Variants in SIK3 observed in about 807,000 individuals in gnomAD.
SIK3 encodes the protein serine/threonine-protein kinase SIK3.
Under a neutral mutation model 144.2 loss-of-function variants are expected in SIK3, and 28 were observed. The observed-to-expected ratio is 0.19, with a 90% confidence interval of 0.14 to 0.27. The LOEUF (loss-of-function observed/expected upper bound fraction) is 0.27, where lower values mean the gene tolerates loss of function less well. SIK3 is among the 10% of genes least tolerant of loss of function. The probability of loss-of-function intolerance (pLI) is 1.00; values close to 1 mark genes in which losing one functional copy is unlikely to be tolerated. For synonymous variants in SIK3, 686 were observed against 676.3 expected, an observed-to-expected ratio of 1.01 and a Z score of -0.22; for missense variants, 1,319 against 1,776.0, an observed-to-expected ratio of 0.74 and a Z score of 4.62.
chr11:116,917,924 C>G (rs373290688), intron 4 of SIK3, among the ~76,000 whole-genome samples: 1 of 150,650 alleles, frequency 6.6e-6, no homozygotes, highest in Non-Finnish European at 1.5e-5. Context: ...TTAAACCATA[C>G]GTTGCTTGAG....
At chr11:116,908,671 T>C (rs903915233) in intron 4 of SIK3, among the ~76,000 whole-genome samples, 3 of 151,872 alleles carry the variant, frequency 2.0e-5, no homozygotes, top group African/African-American at 4.8e-5. Flanking sequence ...AAAAAGAAGC[T>C]CAATCTCATT....
intron 3 of SIK3, among the ~76,000 whole-genome samples, chr11:116,930,638 T>G (rs1728351230): frequency 6.6e-6 from 1 of 152,160 alleles, no homozygotes. Context: ...TGCAAGGAAC[T>G]CCAGAGTTGT....
chr11:117,062,472 C>A (rs1011036870), intron 1 of SIK3, among the ~76,000 whole-genome samples: 2 of 152,090 alleles, frequency 1.3e-5, no homozygotes, highest in Admixed American at 1.3e-4. Flanking sequence ...ACCATCTAAG[C>A]CAGGCAAGAA....
intron 15 of SIK3, chr11:116,864,092 A>G (rs1020933063): frequency 1.0e-5 from 3 of 291,008 alleles, no homozygotes; most frequent in African/African-American, 6.6e-5. Flanking sequence ...TCCAGTTCTT[A>G]TAAATACACT....
At chr11:116,871,327 G>A (rs1028333890) in intron 13 of SIK3, among the ~76,000 whole-genome samples, 28 of 152,170 alleles carry the variant, frequency 1.8e-4, no homozygotes, top group Non-Finnish European at 1.0e-4. Flanking sequence ...GAATAATTTT[G>A]TCGGAAAGCT....
At chr11:116,973,532 T>C (rs1395376909) in intron 1 of SIK3, among the ~76,000 whole-genome samples, 3 of 152,222 alleles carry the variant, frequency 2.0e-5, no homozygotes, top group Non-Finnish European at 2.9e-5. Flanking sequence ...AGTTACTTTT[T>C]TCAATTGCAC....
chr11:117,096,147 T>C (rs781295312), intron 1 of SIK3, among the ~76,000 whole-genome samples: 2 of 152,210 alleles, frequency 1.3e-5, no homozygotes, highest in South Asian at 4.1e-4. Context: ...CTACTGAAGA[T>C]AGAAATGTCT....
chr11:116,888,747 T>C (rs1487333273), intron 6 of SIK3, among the ~76,000 whole-genome samples: 1 of 152,234 alleles, frequency 6.6e-6, no homozygotes, highest in Non-Finnish European at 1.5e-5. Context: ...ATTATTTAAC[T>C]GGGATTAAAG....
intron 1 of SIK3, among the ~76,000 whole-genome samples, chr11:117,030,830 C>A (rs1320875362): frequency 6.6e-6 from 1 of 151,988 alleles, no homozygotes; most frequent in African/African-American, 2.4e-5. Context: ...GCCAGTGCAC[C>A]CAGGCTTTTT....
At chr11:116,886,138 G>A (rs2134659156) in intron 6 of SIK3, among the ~76,000 whole-genome samples, 1 of 152,310 alleles carries the variant, frequency 6.6e-6, no homozygotes, top group East Asian at 1.9e-4. Context: ...AGTTATGTTA[G>A]GTCATGGGAA....
At chr11:117,013,928 G>GTGTA (rs1951396780) in intron 1 of SIK3, among the ~76,000 whole-genome samples, 1 of 99,504 alleles carries the variant, frequency 1.0e-5, no homozygotes, top group African/African-American at 3.2e-5. Context: ...GTGTGTGTGT[G>GTGTA]TGTGTGTGTG....
chr11:116,861,270 T>TC lies in SIK3; in HGVS notation c.2425+3dup. The TC allele has an allele frequency of 6.3e-7, 1 of 1,583,644 alleles. No individual in the cohort carries two copies. The highest frequency in any genetic ancestry group is 8.6e-7 in the Non-Finnish European group (1 of 1,164,922). ...AACTGTTTGGTCTGAACCTCTCCACTCACCGTGAGGCTGGATCATGGCACT... is the reference window on the plus strand; with the variant it reads ...AACTGTTTGGTCTGAACCTCTCCACTCCACCGTGAGGCTGGATCATGGCACT... On this transcript the variant is annotated splice_donor_region_variant and intron_variant, in intron 19 of 24. Coordinates refer to ENST00000445177, the MANE Select transcript of SIK3 (RefSeq NM_001366686.3).
At chr11:116,964,005 A>G (rs987425007) in intron 1 of SIK3, among the ~76,000 whole-genome samples, 4 of 152,144 alleles carry the variant, frequency 2.6e-5, no homozygotes, top group African/African-American at 9.7e-5. Flanking sequence ...GTCAGGATGT[A>G]GGCTGGCCAC....
chr11:116,998,930 T>C lies in SIK3; in HGVS notation c.274-41866A>G, dbSNP rs76795189. 3.3e-3 allele frequency among the ~76,000 whole-genome samples: 497 copies of C among 152,324 alleles called. 4 individuals are homozygous for C. Among genetic ancestry groups the C allele is most frequent in the African/African-American group, 0.011 (478 of 41,572 alleles). ...AAAAAGCTTAATCAAACTAAAAGTG[T>C]ATAGTTAGACAATTATTTTTACTAA... On this transcript the variant is annotated intron_variant, in intron 1 of 24. Transcript: ENST00000445177.
intron 6 of SIK3, among the ~76,000 whole-genome samples, chr11:116,885,540 C>G (rs1011214005): frequency 1.8e-4 from 28 of 152,130 alleles, no homozygotes. Context: ...GGAGGCTGTC[C>G]ATCTTGTGGT....
rs1273130743 is a variant in SIK3, at chr11:116,928,035, AC to A, written c.455-656del. ...TACAAAATGATAATTTTTACAGATA[AC>A]ATCAATCAAAAACCAAGTGAAGTTT... On this transcript the variant is annotated intron_variant, in intron 3 of 24. Coordinates refer to ENST00000445177, the MANE Select transcript of SIK3 (RefSeq NM_001366686.3). 4.6e-5 allele frequency among the ~76,000 whole-genome samples: 7 copies of A among 152,370 alleles called. No homozygotes were observed. The East Asian group carries it at 1.2e-3, about 25-fold the overall frequency.
At chr11:117,016,983 T>C (rs1274270959) in intron 1 of SIK3, among the ~76,000 whole-genome samples, 1 of 152,172 alleles carries the variant, frequency 6.6e-6, no homozygotes, top group African/African-American at 2.4e-5. Flanking sequence ...TAAAACAGGA[T>C]GTAAGAAGCT....
At chr11:116,970,886 A>G (rs1949744792) in intron 1 of SIK3, among the ~76,000 whole-genome samples, 1 of 152,072 alleles carries the variant, frequency 6.6e-6, no homozygotes, top group Non-Finnish European at 1.5e-5. Context: ...GCCTCAAGCA[A>G]TCCTCCCACC....
chr11:116,867,788 G>C lies in SIK3; in HGVS notation c.1952+158C>G. The C allele has an allele frequency of 1.5e-6, 1 of 685,020 alleles. No individual in the cohort carries two copies. Among genetic ancestry groups the C allele is most frequent in the Non-Finnish European group, 2.3e-6 (1 of 433,082 alleles). The allele number at this position is 685,020 out of a possible 1,614,324, so 42.4% of individuals were successfully genotyped here. The stretch of plus-strand genomic sequence containing the variant: ...GCGCAGTAAAAAACCTTTGCCCTGT[G>C]CATTGCTTACTGCAAGGAGCTGAGA... On this transcript the variant is annotated intron_variant, in intron 15 of 24. Transcript: ENST00000445177. The surrounding 1 kb of genome is among the most constrained non-coding windows in gnomAD (Gnocchi z 4.1).
Sources: gnomAD v4.1 joint callset for allele counts (sites outside exome capture counted in the v4.1 genomes callset) on GRCh38, gnomAD v4.1.1 for gene constraint, Gnocchi (gnomAD v3.1) non-coding constraint, MANE v1.5 for transcripts, NCBI Gene and HGNC (gene_info 2026-07-23, HGNC 2026-07-21) for gene names.